Variants in SPATA13 observed in about 807,000 individuals in gnomAD.
SPATA13 encodes the protein spermatogenesis-associated protein 13.
SPATA13 carries 50 observed loss-of-function variants against 104.0 expected under a neutral mutation model. The observed-to-expected ratio is 0.48, with a 90% confidence interval of 0.38 to 0.61. SPATA13 has a LOEUF of 0.61. SPATA13 is among the 20% of genes least tolerant of loss of function. The probability of loss-of-function intolerance (pLI) is 0.00; values close to 1 mark genes in which losing one functional copy is unlikely to be tolerated. For missense variants in SPATA13, 1,524 were observed against 1,690.6 expected, an observed-to-expected ratio of 0.90 and a Z score of 1.73; for synonymous variants, 606 against 667.5, an observed-to-expected ratio of 0.91 and a Z score of 1.42.
rs185431612 is a variant in SPATA13 at position 24,131,867 on chromosome 13, A to T, written c.-111-90952A>T. Among the ~76,000 whole-genome samples, 4 of 152,336 alleles carry T rather than the reference A, an allele frequency of 2.6e-5. No individual in the cohort carries two copies. In the East Asian group the frequency reaches 7.7e-4, roughly 29 times the overall value. On this transcript the variant is annotated intron_variant, in intron 3 of 14. Transcript: ENST00000424834. ...CATAAAACAAGGGAAGGCAGATTAG[A>T]GAGGTAGGCAGCTGTGGCAGACACA... is the stretch of plus-strand genomic sequence containing the variant.
At chr13:24,036,250 T>C (rs1321858274) in intron 3 of SPATA13, among the ~76,000 whole-genome samples, 1 of 152,146 alleles carries the variant, frequency 6.6e-6, no homozygotes, top group Admixed American at 6.5e-5. Context: ...ACGACAGTGT[T>C]TTGGTGTTTT....
intron 2 of SPATA13, among the ~76,000 whole-genome samples, chr13:24,226,551 A>G (rs1871951746): frequency 6.6e-6 from 1 of 152,256 alleles, no homozygotes; most frequent in South Asian, 2.1e-4. Context: ...ATTACCTTAC[A>G]TAGCTGGAAG....
chr13:24,105,482 C>T (rs930412327), intron 3 of SPATA13, among the ~76,000 whole-genome samples: 2 of 149,526 alleles, frequency 1.3e-5, no homozygotes, highest in African/African-American at 2.5e-5. Context: ...TTCTCAGTGG[C>T]AGGAGTCATT....
intron 3 of SPATA13, among the ~76,000 whole-genome samples, chr13:24,101,501 A>G (rs1306284119): frequency 6.7e-6 from 1 of 149,746 alleles, no homozygotes. Context: ...AAAAAACAAC[A>G]CATAAAACTT....
chr13:24,178,272 T>C (rs1868559266), intron 1 of SPATA13, among the ~76,000 whole-genome samples: 1 of 152,216 alleles, frequency 6.6e-6, no homozygotes, highest in Non-Finnish European at 1.5e-5. Context: ...GCTTGCCACC[T>C]CTGCCACCTG....
intron 1 of SPATA13, among the ~76,000 whole-genome samples, chr13:24,175,327 C>A (rs1232118861): frequency 1.3e-5 from 2 of 152,028 alleles, no homozygotes; most frequent in African/African-American, 4.8e-5. Context: ...AACTTGAAAT[C>A]ATAGTGCCTA....
intron 4 of SPATA13, among the ~76,000 whole-genome samples, chr13:24,261,033 G>T (rs1874038884): frequency 6.6e-6 from 1 of 152,242 alleles, no homozygotes; most frequent in Non-Finnish European, 1.5e-5. Flanking sequence ...TGCAGAGGAG[G>T]AGGCTGAGAG....
chr13:24,220,129 A>G (rs1170075854), intron 1 of SPATA13, among the ~76,000 whole-genome samples: 1 of 152,116 alleles, frequency 6.6e-6, no homozygotes, highest in Non-Finnish European at 1.5e-5. Flanking sequence ...TACCCAGTAG[A>G]TGCTCATGAA....
chr13:24,235,043 A>G (rs1872500325), intron 2 of SPATA13, among the ~76,000 whole-genome samples: 2 of 152,260 alleles, frequency 1.3e-5, no homozygotes, highest in South Asian at 2.1e-4. Context: ...GCCTTGGAAC[A>G]TGGTAAATCG....
chr13:24,057,493 A>G, intron 3 of SPATA13, among the ~76,000 whole-genome samples: 1 of 152,186 alleles, frequency 6.6e-6, no homozygotes, highest in Non-Finnish European at 1.5e-5. Flanking sequence ...GACTGCATCC[A>G]TATGGGACTG....
chr13:24,222,922 C>G lies in SPATA13; in HGVS notation c.-8C>G. ...CTGCGGTCTGCGGACTCGGCAGTGC[C>G]CGTGGCCATGACCCAGGCTGCCGTG... is the stretch of plus-strand genomic sequence containing the variant. On this transcript the variant is annotated 5_prime_UTR_variant, in exon 2 of 13. Coordinates refer to ENST00000382108, the MANE Select transcript of SPATA13 (RefSeq NM_001166271.3). 1 of 1,550,844 alleles carries G rather than the reference C, an allele frequency of 6.4e-7. No individual in the cohort carries two copies. Among genetic ancestry groups the G allele is most frequent in the Non-Finnish European group, 8.7e-7 (1 of 1,146,554 alleles).
chr13:24,252,001 T>A, intron 4 of SPATA13, 139 bp downstream of exon 4: 1 of 1,072,128 alleles, frequency 9.3e-7, no homozygotes, highest in South Asian at 1.7e-5. Flanking sequence ...GGACGGCTCA[T>A]CTCAGGAGAA....
At chr13:24,084,819 C>T (rs926409517) in intron 3 of SPATA13, among the ~76,000 whole-genome samples, 1 of 152,056 alleles carries the variant, frequency 6.6e-6, no homozygotes, top group African/African-American at 2.4e-5. Context: ...CCCAGAAGTT[C>T]GAGACCAGCC....
At chr13:24,113,904 T>C (rs1457480613) in intron 3 of SPATA13, among the ~76,000 whole-genome samples, 1 of 123,288 alleles carries the variant, frequency 8.1e-6, no homozygotes, top group African/African-American at 3.1e-5. Context: ...AGAAAGAAAA[T>C]ATAGTTATAT....
At chr13:24,238,242 C>T (rs1872672052) in intron 2 of SPATA13, among the ~76,000 whole-genome samples, 3 of 139,624 alleles carry the variant, frequency 2.1e-5, no homozygotes, top group Admixed American at 8.1e-5. Flanking sequence ...CTGCAGTCTT[C>T]GCCTCCCGGG....
intron 3 of SPATA13, among the ~76,000 whole-genome samples, chr13:24,117,469 A>G (rs190437358): frequency 1.3e-5 from 2 of 152,314 alleles, no homozygotes; most frequent in African/African-American, 4.8e-5. Flanking sequence ...CATTTAGACA[A>G]TACTTCATCA....
At chr13:24,213,155 T>C (rs1209014276) in intron 1 of SPATA13, among the ~76,000 whole-genome samples, 1 of 152,052 alleles carries the variant, frequency 6.6e-6, no homozygotes, top group Non-Finnish European at 1.5e-5. Flanking sequence ...TTAAGGAACA[T>C]TGTGGGGGTG....
intron 1 of SPATA13, among the ~76,000 whole-genome samples, chr13:24,165,900 C>T (rs527629121): frequency 6.6e-6 from 1 of 152,272 alleles, no homozygotes; most frequent in African/African-American, 2.4e-5. Context: ...TGCCCTGAGT[C>T]CTAAACAACT....
At chr13:24,285,963 G>A (rs1253313990) in intron 5 of SPATA13, among the ~76,000 whole-genome samples, 1 of 152,170 alleles carries the variant, frequency 6.6e-6, no homozygotes, top group Admixed American at 6.5e-5. Flanking sequence ...TTACAGGTGT[G>A]AGTCACCACG....
Sources: gnomAD v4.1 joint callset for allele counts (sites outside exome capture counted in the v4.1 genomes callset) on GRCh38, gnomAD v4.1.1 for gene constraint, MANE v1.5 for transcripts, NCBI Gene and HGNC (gene_info 2026-07-23, HGNC 2026-07-21) for gene names.